Variants in PPFIA2 observed in about 807,000 individuals in gnomAD.
The protein encoded by PPFIA2 is PPFI scaffold protein A2.
Under a neutral mutation model 175.5 loss-of-function variants are expected in PPFIA2, and 46 were observed. The observed-to-expected ratio is 0.26, with a 90% CI of 0.21 to 0.34. The LOEUF is 0.34. Ranked by LOEUF, PPFIA2 falls within the 10% of genes least tolerant of loss-of-function variation. The pLI is 1.00. For synonymous variants in PPFIA2, 568 were observed against 511.4 expected (o/e 1.11, Z -1.49); for missense variants, 1,179 against 1,506.1 (o/e 0.78, Z 3.60).
intron 4 of PPFIA2, among the ~76,000 whole-genome samples, chr12:81,606,432 C>T (rs2060321967): frequency 6.6e-6 from 1 of 152,082 alleles, no homozygotes; most frequent in Non-Finnish European, 1.5e-5. Flanking sequence ...TTTACATTCC[C>T]ACCAATAGTG....
At chr12:81,654,643 G>A (rs1406995801) in intron 4 of PPFIA2, among the ~76,000 whole-genome samples, 2 of 152,026 alleles carry the variant, frequency 1.3e-5, no homozygotes, top group East Asian at 3.9e-4. Flanking sequence ...GAGCTCCAAA[G>A]GAGACCGTAA....
intron 22 of PPFIA2, among the ~76,000 whole-genome samples, chr12:81,313,684 A>G (rs1380449802): frequency 6.6e-6 from 1 of 152,064 alleles, no homozygotes; most frequent in Admixed American, 6.6e-5. Context: ...TGTGAACTCT[A>G]CGATGAGCTC....
intron 4 of PPFIA2, among the ~76,000 whole-genome samples, chr12:81,534,848 G>A (rs2065148964): frequency 6.6e-6 from 1 of 151,614 alleles, no homozygotes; most frequent in Non-Finnish European, 1.5e-5. Flanking sequence ...CAAATGGCTT[G>A]CTCCCCAGTC....
intron 28 of PPFIA2, among the ~76,000 whole-genome samples, chr12:81,273,902 T>G (rs1475147304): frequency 1.4e-5 from 2 of 141,764 alleles, no homozygotes; most frequent in African/African-American, 5.3e-5. Flanking sequence ...CAAACCGGTC[T>G]GCAGCAAAGC....
At chr12:81,428,952 C>T (rs1011462058) in intron 7 of PPFIA2, among the ~76,000 whole-genome samples, 1 of 152,004 alleles carries the variant, frequency 6.6e-6, no homozygotes, top group Admixed American at 6.6e-5. Context: ...TCATTAAACG[C>T]ATACTGTCAT....
intron 3 of PPFIA2, among the ~76,000 whole-genome samples, chr12:81,708,932 G>T (rs2077541240): frequency 1.3e-5 from 2 of 152,120 alleles, no homozygotes; most frequent in South Asian, 4.1e-4. Context: ...TTTTCTCAAG[G>T]CAAGGTAATT....
intron 3 of PPFIA2, among the ~76,000 whole-genome samples, chr12:81,703,280 A>C (rs1398019366): frequency 6.6e-6 from 1 of 152,054 alleles, no homozygotes; most frequent in East Asian, 1.9e-4. Flanking sequence ...CCTCATACTA[A>C]ATAAGTTTAA....
chr12:81,416,343 G>A (rs1418821631), intron 7 of PPFIA2, among the ~76,000 whole-genome samples: 2 of 151,536 alleles, frequency 1.3e-5, no homozygotes, highest in East Asian at 3.9e-4. Flanking sequence ...AAATAAGGAA[G>A]GGTAGAGAGT....
At chr12:81,381,193 T>C (rs1185734915) in intron 9 of PPFIA2, among the ~76,000 whole-genome samples, 2 of 152,084 alleles carry the variant, frequency 1.3e-5, no homozygotes, top group African/African-American at 2.4e-5. Flanking sequence ...GATATTCCTT[T>C]CTCAGGAAAC....
intron 4 of PPFIA2, among the ~76,000 whole-genome samples, chr12:81,499,405 A>G (rs537324548): frequency 6.6e-6 from 1 of 151,808 alleles, no homozygotes; most frequent in African/African-American, 2.4e-5. Context: ...GCAGGGGGCC[A>G]TGGTTAGAAG....
intron 23 of PPFIA2, among the ~76,000 whole-genome samples, chr12:81,296,988 G>A (rs1178355338): frequency 6.6e-6 from 1 of 152,076 alleles, no homozygotes; most frequent in Non-Finnish European, 1.5e-5. Flanking sequence ...AATGACTGTG[G>A]TTTCATTCCT....
chr12:81,428,601 C>G (rs902423613), intron 7 of PPFIA2, among the ~76,000 whole-genome samples: 3 of 151,806 alleles, frequency 2.0e-5, no homozygotes, highest in Non-Finnish European at 4.4e-5. Flanking sequence ...ACAATATCAT[C>G]ATAAAGGATA....
intron 7 of PPFIA2, among the ~76,000 whole-genome samples, chr12:81,406,635 T>C (rs2042987380): frequency 6.6e-6 from 1 of 152,088 alleles, no homozygotes; most frequent in Non-Finnish European, 1.5e-5. Flanking sequence ...TATTTCAGTC[T>C]TTTTAAAATG....
At position 81,472,621 on chromosome 12, in the gene PPFIA2, C is replaced by T. The variant is rs1284429302; in HGVS notation, c.304-14755G>A. On this transcript the variant is annotated intron_variant, in intron 4 of 32. Coordinates refer to ENST00000549396, the MANE Select transcript of PPFIA2 (RefSeq NM_003625.5). The stretch of plus-strand genomic sequence containing the variant: ...CCAAATTCATCAAGGTAATGTAACC[C>T]TGAAATATTCTTTTTAGTAACCAGT... 8 of 152,250 alleles carry T rather than the reference C, an allele frequency of 5.3e-5. No homozygotes were observed. The South Asian group carries it at 1.0e-3, about 20-fold the overall frequency. 9.4% of individuals were successfully genotyped at this position (152,250 alleles called of 1,614,324 possible).
At chr12:81,328,019 A>G in intron 21 of PPFIA2, among the ~76,000 whole-genome samples, 1 of 152,206 alleles carries the variant, frequency 6.6e-6, no homozygotes, top group East Asian at 1.9e-4. Flanking sequence ...CATTCAGGCC[A>G]GTGCGCTTAA....
chr12:81,518,544 A>C (rs986728443), intron 4 of PPFIA2, among the ~76,000 whole-genome samples: 6 of 152,174 alleles, frequency 3.9e-5, no homozygotes, highest in African/African-American at 9.6e-5. Flanking sequence ...GCACTTTCTT[A>C]CTGACACCTT....
intron 3 of PPFIA2, among the ~76,000 whole-genome samples, chr12:81,732,872 A>C (rs2081105918): frequency 6.6e-6 from 1 of 151,512 alleles, no homozygotes; most frequent in Non-Finnish European, 1.5e-5. Context: ...AAAGCACACA[A>C]AAAAAGCAGT....
At chr12:81,754,464 G>A (rs891019762) in intron 2 of PPFIA2, among the ~76,000 whole-genome samples, 2 of 152,036 alleles carry the variant, frequency 1.3e-5, no homozygotes, top group African/African-American at 4.8e-5. Flanking sequence ...CCTCCCATAT[G>A]CAACTTGGTT....
chr12:81,703,065 G>A (rs150951747), intron 3 of PPFIA2, among the ~76,000 whole-genome samples: 72 of 152,136 alleles, frequency 4.7e-4, no homozygotes, highest in Non-Finnish European at 8.8e-4. Flanking sequence ...CTAAGACGCC[G>A]GTGTTCCCCA....
Sources: allele counts gnomAD v4.1 joint callset (sites outside exome capture counted in the v4.1 genomes callset), GRCh38; gene constraint gnomAD v4.1.1; transcripts MANE v1.5; gene names NCBI Gene and HGNC (gene_info 2026-07-23, HGNC 2026-07-21).